Variants in SREBF2 observed in about 807,000 individuals in gnomAD.
The protein encoded by SREBF2 is sterol regulatory element binding transcription factor 2.
SREBF2 carries 55 observed loss-of-function variants against 113.1 expected under a neutral mutation model. The ratio of observed to expected loss-of-function variants is 0.49; its 90% CI spans 0.39 to 0.61. The LOEUF (loss-of-function observed/expected upper bound fraction) is 0.61. Among genes scored for constraint, SREBF2 ranks in the 20% least tolerant of loss-of-function variants. The pLI, the probability that SREBF2 is intolerant of heterozygous loss-of-function variation, is 0.00. For synonymous variants in SREBF2, 593 were observed against 605.7 expected, an observed-to-expected ratio of 0.98 and a Z score of 0.31; for missense variants, 1,349 against 1,487.4, an observed-to-expected ratio of 0.91 and a Z score of 1.53.
In SREBF2 at chr22:41,905,717, G is replaced by T; in HGVS notation, c.*57G>T. The T allele has an allele frequency of 6.6e-7, 1 of 1,508,434 alleles. No individual in the cohort carries two copies. Among genetic ancestry groups the T allele is most frequent in the Non-Finnish European group, 9.0e-7 (1 of 1,108,868 alleles). The allele number at this position is 1,508,434 out of a possible 1,614,324, so 93.4% of individuals were successfully genotyped here. On this transcript the variant is annotated 3_prime_UTR_variant, in exon 19 of 19. Coordinates refer to ENST00000361204, the MANE Select transcript of SREBF2 (RefSeq NM_004599.4). ...TCTCGATTTCTCTCTCTCCCCCTCA[G>T]CATCTTCCCGCTGAGAGTGGTGGGG...
In SREBF2 at chr22:41,866,912, G is replaced by T. The variant is rs150093664; in HGVS notation, c.170G>T (p.Ser57Ile). Residue 57 changes from serine to isoleucine, a missense_variant, in exon 2 of 19, where the codon AGT (serine) becomes ATT (isoleucine). Ser to Ile is a moderately radical substitution (Grantham distance 142, BLOSUM62 -2). This residue lies in a region of SREBF2 where 699 missense variants were observed against 843.3 expected (regional missense o/e 0.83). Transcript: ENST00000361204. ...SEQLCSSFPG[S>I]GGSGSSSGSS... ...CAGCTGTGTAGCTCCTTTCCTGGCA[G>T]TGGTGGTAGTGGTAGCAGCAGCGGC... 25 of 1,614,264 alleles carry T rather than the reference G, an allele frequency of 1.5e-5. No homozygotes were observed. The highest frequency in any genetic ancestry group is 1.1e-5 in the Non-Finnish European group (13 of 1,180,050).
rs1444708991 is a variant in SREBF2 at position 41,880,790 on chromosome 22, C to A, written c.1836C>A (p.Arg612=). ...AVLGRALPTS[R]LDLACSLSWN... Reference sequence around the variant, plus strand: ...TGGGCCGGGCACTGCCCACCTCCCGCCTGGACCTGGCCTGCAGCCTCTCCT... The same window carrying A: ...TGGGCCGGGCACTGCCCACCTCCCGACTGGACCTGGCCTGCAGCCTCTCCT... The change falls in exon 10 of 19, where the codon CGC becomes CGA. Residue 612 remains arginine, a synonymous_variant. Coordinates refer to ENST00000361204, the MANE Select transcript of SREBF2 (RefSeq NM_004599.4). 6.2e-7 allele frequency: 1 copy of A among 1,614,172 alleles called. No homozygotes were observed. The highest frequency in any genetic ancestry group is 1.7e-5 in the Admixed American group (1 of 60,032).
intron 17 of SREBF2, among the ~76,000 whole-genome samples, chr22:41,903,617 G>A (rs188567215): frequency 7.9e-5 from 12 of 152,354 alleles, no homozygotes; most frequent in East Asian, 5.8e-4. Flanking sequence ...ACTAAGTCAC[G>A]GAGGAAAGTT....
intron 1 of SREBF2, among the ~76,000 whole-genome samples, chr22:41,858,648 T>C (rs1341589287): frequency 6.6e-6 from 1 of 152,090 alleles, no homozygotes; most frequent in Non-Finnish European, 1.5e-5. Context: ...CCCAAGAGGC[T>C]GCAGTGGAGG....
intron 17 of SREBF2, 80 bp downstream of exon 17, chr22:41,903,235 A>C: frequency 1.3e-6 from 2 of 1,511,758 alleles, no homozygotes; most frequent in Non-Finnish European, 1.8e-6. Context: ...GGGCACCAGC[A>C]TGTGGTTGTG....
At chr22:41,848,482 T>A (rs1320502554) in intron 1 of SREBF2, among the ~76,000 whole-genome samples, 1 of 152,196 alleles carries the variant, frequency 6.6e-6, no homozygotes, top group Non-Finnish European at 1.5e-5. Flanking sequence ...ATCTGATGTC[T>A]GTGTTTTAGC....
chr22:41,880,901 A>T lies in SREBF2; in HGVS notation c.1947A>T (p.Pro649=). The change falls in exon 10 of 19, where the codon CCA becomes CCT. Residue 649 remains proline (P), a synonymous_variant. Coordinates refer to ENST00000361204, the MANE Select transcript of SREBF2 (RefSeq NM_004599.4). ...TCTTCCAGTGCCGGCGGGCCACGCCAGCCACTGAGGCAGGCTTTGAAGACG... is the reference window on the plus strand; with the variant it reads ...TCTTCCAGTGCCGGCGGGCCACGCCTGCCACTGAGGCAGGCTTTGAAGACG... The part of the protein sequence containing the change: ...KKVFQCRRAT[P]ATEAGFEDEA... The T allele has an allele frequency of 1.2e-6, 2 of 1,613,710 alleles. No homozygotes were observed. Among genetic ancestry groups the T allele is most frequent in the Admixed American group, 1.7e-5 (1 of 60,026 alleles).
intron 18 of SREBF2, 130 bp from the exon 19 acceptor site, chr22:41,905,310 T>G: frequency 5.5e-6 from 5 of 915,036 alleles, no homozygotes; most frequent in Non-Finnish European, 8.5e-6. Flanking sequence ...TTTCCGTGGA[T>G]TGGGTGGGGC....
At chr22:41,834,667 A>G (rs559408124) in intron 1 of SREBF2, 1 of 152,514 alleles carries the variant, frequency 6.6e-6, no homozygotes. Context: ...TGCTTTTGTA[A>G]TATTTCTCCC....
At chr22:41,900,248 G>A in intron 15 of SREBF2, 82 bp from the exon 16 acceptor site, 4 of 1,579,144 alleles carry the variant, frequency 2.5e-6, no homozygotes, top group African/African-American at 1.3e-5. Flanking sequence ...GTGGGGCGTG[G>A]CAGTCACTGG....
At chr22:41,848,938 G>C (rs1302117750) in intron 1 of SREBF2, among the ~76,000 whole-genome samples, 4 of 152,102 alleles carry the variant, frequency 2.6e-5, no homozygotes, top group Admixed American at 2.6e-4. Flanking sequence ...ATATAACACA[G>C]TGTGTGAAAG....
chr22:41,905,293 C>T (rs2077497651), intron 18 of SREBF2, 147 bp from the exon 19 acceptor site: 1 of 839,794 alleles, frequency 1.2e-6, no homozygotes, highest in African/African-American at 1.7e-5. Context: ...TGGACAAGTT[C>T]ACTTCTTTTC....
rs1306817344 is a variant in SREBF2, at chr22:41,877,995, A to T, written c.1633A>T (p.Asn545Tyr). The change falls in exon 9 of 19, where the codon AAT becomes TAT. Residue 545 changes from asparagine (N) to tyrosine (Y), a missense_variant. Transcript: ENST00000361204. The part of the protein sequence containing the change: ...MMPTLLLWLV[N>Y]GVIVLSVFVK... ...GCCTACTCTTCTCTTATGGCTGGTA[A>T]ATGGTGTGATTGTCCTGAGCGTCTT... The T allele has an allele frequency of 6.2e-7, 1 of 1,613,890 alleles. No individual in the cohort carries two copies. Among genetic ancestry groups the T allele is most frequent in the Non-Finnish European group, 8.5e-7 (1 of 1,180,020 alleles).
chr22:41,878,642 T>C lies in SREBF2; in HGVS notation c.1761+519T>C, dbSNP rs1038251292. 4.6e-6 allele frequency: 6 copies of C among 1,298,922 alleles called. No homozygotes were observed. In the African/African-American group the frequency reaches 7.6e-5, roughly 16 times the overall value. 80.5% of individuals were successfully genotyped at this position (1,298,922 alleles called of 1,614,324 possible). On this transcript the variant is annotated intron_variant, in intron 9 of 18. Coordinates refer to ENST00000361204, the MANE Select transcript of SREBF2 (RefSeq NM_004599.4). ...GAGCAGGAAAACTAGCTGAAAGTTT[T>C]CATTTGAAATCAACAGGGAGTTTAC...
At chr22:41,850,465 G>C (rs1041678464) in intron 1 of SREBF2, among the ~76,000 whole-genome samples, 2 of 147,278 alleles carry the variant, frequency 1.4e-5, no homozygotes, top group Non-Finnish European at 3.0e-5. Context: ...AAAAAAAAAA[G>C]TAATGACATG....
At chr22:41,903,318 C>T (rs899227153) in intron 17 of SREBF2, among the ~76,000 whole-genome samples, 163 bp downstream of exon 17, 9 of 152,254 alleles carry the variant, frequency 5.9e-5, no homozygotes, top group East Asian at 1.9e-4. Flanking sequence ...CTGGGCTAGG[C>T]GCCATGTGTC....
intron 11 of SREBF2, chr22:41,885,942 G>A (rs1180271825): frequency 6.6e-6 from 1 of 152,224 alleles, no homozygotes; most frequent in Non-Finnish European, 1.5e-5. Context: ...CTTGATCTTA[G>A]CCAGAAGGCT....
intron 1 of SREBF2, among the ~76,000 whole-genome samples, chr22:41,858,014 A>G (rs1432600199): frequency 6.6e-6 from 1 of 152,180 alleles, no homozygotes; most frequent in Non-Finnish European, 1.5e-5. Flanking sequence ...GTTATCTCAT[A>G]TTGATCTTCA....
intron 1 of SREBF2, among the ~76,000 whole-genome samples, chr22:41,840,833 C>T (rs1298350118): frequency 2.0e-5 from 3 of 152,182 alleles, no homozygotes; most frequent in African/African-American, 7.2e-5. Context: ...CTCTGGAGAG[C>T]TGTGTCTGAT....
Sources: allele counts gnomAD v4.1 joint callset (sites outside exome capture counted in the v4.1 genomes callset), GRCh38; gene constraint gnomAD v4.1.1; regional missense constraint gnomAD v4.1.1; transcripts MANE v1.5; gene names NCBI Gene and HGNC (gene_info 2026-07-23, HGNC 2026-07-21).